Variants in PSD2 observed in about 807,000 individuals in gnomAD.
PSD2 encodes the protein pleckstrin and Sec7 domain containing 2, also known as PH and SEC7 domain-containing protein 2.
A neutral mutation model predicts 69.8 loss-of-function variants in PSD2; 38 were observed. The observed-to-expected ratio is 0.54, with a 90% confidence interval of 0.42 to 0.71. The LOEUF is 0.71. Ranked by LOEUF, PSD2 falls within the 30% of genes least tolerant of loss-of-function variation. PSD2 has a pLI of 0.00. For missense variants in PSD2, 943 were observed against 1,014.5 expected, an observed-to-expected ratio of 0.93 and a Z score of 0.96; for synonymous variants, 412 against 423.0, an observed-to-expected ratio of 0.97 and a Z score of 0.32.
the PSD2 span, among the ~76,000 whole-genome samples, chr5:139,769,138 A>G: frequency 3.8e-3 from 585 of 152,142 alleles, 5 homozygotes; most frequent in Non-Finnish European, 6.8e-3. Context: ...GGTGATATTC[A>G]TGCCAGGACC....
At chr5:139,766,489 G>A in the PSD2 span, among the ~76,000 whole-genome samples, 1 of 152,212 alleles carries the variant, frequency 6.6e-6, no homozygotes, top group African/African-American at 2.4e-5. Flanking sequence ...TCTCTCCTCT[G>A]TGTATGGGGG....
chr5:139,778,727 C>T, the PSD2 span, among the ~76,000 whole-genome samples: 7 of 151,922 alleles, frequency 4.6e-5, no homozygotes, highest in African/African-American at 1.7e-4. Context: ...AGGTTGAGAT[C>T]AGCCTGGCAA....
chr5:139,813,270 A>G (rs2126938621), intron 2 of PSD2, 39 bp from the exon 3 acceptor site: 1 of 1,497,258 alleles, frequency 6.7e-7, no homozygotes, highest in Non-Finnish European at 8.9e-7. Context: ...TATGGGGGAC[A>G]GCTTGGCAGG....
rs1311068945 is a variant in PSD2 at position 139,842,376 on chromosome 5, G to T, written c.2218G>T (p.Asp740Tyr). Residue 740 changes from aspartate (D) to tyrosine (Y), a missense_variant, in exon 15 of 15, where the codon GAC becomes TAC. By Grantham distance (160) the Asp-to-Tyr change is radical. Around this residue, in one of 3 missense-constraint regions of PSD2, gnomAD observed 165 missense variants for 168.8 expected, o/e 0.98. Transcript: ENST00000274710. ...EARLATLEGDDPSLRKTHSSP... is the reference protein window; with the variant it reads ...EARLATLEGDYPSLRKTHSSP... ...CCGGCTGGCCACTCTGGAAGGGGAT[G>T]ACCCTTCTCTCCGGAAGACACATTC... 6.2e-7 allele frequency: 1 copy of T among 1,614,172 alleles called. No homozygotes were observed. The highest frequency in any genetic ancestry group is 1.1e-5 in the South Asian group (1 of 91,082).
intron 7 of PSD2, among the ~76,000 whole-genome samples, chr5:139,827,770 T>C (rs1760464484): frequency 6.6e-6 from 1 of 152,182 alleles, no homozygotes; most frequent in Admixed American, 6.5e-5. Context: ...CAAACACTTA[T>C]AAAACCATCA....
the PSD2 span, among the ~76,000 whole-genome samples, chr5:139,765,715 G>T: frequency 1.3e-5 from 2 of 152,008 alleles, no homozygotes; most frequent in Non-Finnish European, 2.9e-5. Context: ...ATCCAAGGCC[G>T]TCTTCTTACA....
At chr5:139,825,248 G>A (rs1186757402) in intron 7 of PSD2, among the ~76,000 whole-genome samples, 2 of 152,236 alleles carry the variant, frequency 1.3e-5, no homozygotes, top group African/African-American at 4.8e-5. Flanking sequence ...CAGAGACCTG[G>A]ATCAGCGGGA....
At chr5:139,830,658 CTT>C (rs1294741265) in intron 7 of PSD2, among the ~76,000 whole-genome samples, 1 of 55,650 alleles carries the variant, frequency 1.8e-5, no homozygotes. Context: ...CTTTCTTTCT[CTT>C]TCTTTCTTTA....
chr5:139,763,139 G>T, the PSD2 span, among the ~76,000 whole-genome samples: 2 of 152,102 alleles, frequency 1.3e-5, no homozygotes, highest in East Asian at 1.9e-4. Flanking sequence ...CGGGCCCAGG[G>T]AGGAATAACC....
At chr5:139,763,149 C>A in the PSD2 span, among the ~76,000 whole-genome samples, 1 of 152,032 alleles carries the variant, frequency 6.6e-6, no homozygotes, top group Non-Finnish European at 1.5e-5. Context: ...GAGGAATAAC[C>A]CTGGCAGGAG....
At chr5:139,781,617 G>A in the PSD2 span, among the ~76,000 whole-genome samples, 3 of 150,206 alleles carry the variant, frequency 2.0e-5, no homozygotes, top group South Asian at 2.1e-4. Flanking sequence ...TTACAGGTGT[G>A]AGCCACGGCG....
the PSD2 span, among the ~76,000 whole-genome samples, chr5:139,779,626 A>G: frequency 6.6e-6 from 1 of 152,188 alleles, no homozygotes; most frequent in Non-Finnish European, 1.5e-5. Flanking sequence ...ACAAATGCAT[A>G]TATTTGTATA....
intron 7 of PSD2, among the ~76,000 whole-genome samples, chr5:139,823,947 G>C (rs1343423146): frequency 6.6e-6 from 1 of 152,206 alleles, no homozygotes; most frequent in Non-Finnish European, 1.5e-5. Context: ...CCTGCGTCAG[G>C]AAGAGCAAAT....
At position 139,842,644 on chromosome 5, in the gene PSD2, C is replaced by T. The variant is rs769996466; in HGVS notation, c.*170C>T. 1.4e-5 allele frequency: 9 copies of T among 620,988 alleles called. No homozygotes were observed. Among genetic ancestry groups the T allele is most frequent in the Non-Finnish European group, 2.5e-5 (9 of 355,332 alleles). 38.5% of individuals were successfully genotyped at this position (620,988 alleles called of 1,614,324 possible). On this transcript the variant is annotated 3_prime_UTR_variant, in exon 15 of 15. Coordinates refer to ENST00000274710, the MANE Select transcript of PSD2 (RefSeq NM_032289.4). ...TGGAGATGCCGTTTGTGGCGTTGAT[C>T]TCCTTGCGTCCTTGGGCATCTCCGG... is the stretch of plus-strand genomic sequence containing the variant.
intron 2 of PSD2, among the ~76,000 whole-genome samples, chr5:139,810,905 T>A (rs1581716705): frequency 6.6e-6 from 1 of 151,868 alleles, no homozygotes; most frequent in South Asian, 2.1e-4. Flanking sequence ...GGACTGATGG[T>A]CTTCAAGCTC....
intron 1 of PSD2, among the ~76,000 whole-genome samples, chr5:139,801,699 G>A (rs1759678345): frequency 6.6e-6 from 1 of 152,194 alleles, no homozygotes; most frequent in African/African-American, 2.4e-5. Flanking sequence ...CCTCTCACCC[G>A]ACTCCAGTAG....
the PSD2 span, among the ~76,000 whole-genome samples, chr5:139,750,746 A>G: frequency 3.3e-5 from 5 of 152,128 alleles, no homozygotes; most frequent in Admixed American, 1.3e-4. Context: ...AGCCTGGGGA[A>G]GAGGAACCCT....
chr5:139,750,303 C>T, the PSD2 span, among the ~76,000 whole-genome samples: 11 of 152,030 alleles, frequency 7.2e-5, no homozygotes, highest in African/African-American at 9.6e-5. Context: ...CCAGCCTGGG[C>T]GACAGAGCAA....
At chr5:139,829,137 T>A (rs1406904775) in intron 7 of PSD2, among the ~76,000 whole-genome samples, 1 of 152,204 alleles carries the variant, frequency 6.6e-6, no homozygotes, top group Non-Finnish European at 1.5e-5. Context: ...TATTATATTT[T>A]AAAGCAGATA....
Sources: gnomAD v4.1 joint callset for allele counts (sites outside exome capture counted in the v4.1 genomes callset) on GRCh38, gnomAD v4.1.1 for gene constraint, gnomAD v4.1.1 regional missense constraint, MANE v1.5 for transcripts, NCBI Gene and HGNC (gene_info 2026-07-23, HGNC 2026-07-21) for gene names.